Variants in PLCXD3 observed in about 807,000 individuals in gnomAD.
The protein encoded by PLCXD3 is phosphatidylinositol specific phospholipase C X domain containing 3.
In PLCXD3, 19 loss-of-function variants were observed where a neutral mutation model predicts 25.5. That is an observed-to-expected ratio of 0.75 (90% CI 0.52 to 1.09). PLCXD3 has a LOEUF of 1.09. Ranked by LOEUF, PLCXD3 falls within the 50% of genes least tolerant of loss-of-function variation. PLCXD3 has a pLI of 0.00. For synonymous variants in PLCXD3, 174 were observed against 137.6 expected, an observed-to-expected ratio of 1.26 and a Z score of -1.85; for missense variants, 411 against 388.1, an observed-to-expected ratio of 1.06 and a Z score of -0.50.
chr5:41,485,613 G>GT, intron 1 of PLCXD3, among the ~76,000 whole-genome samples: 1 of 152,216 alleles, frequency 6.6e-6, no homozygotes, highest in East Asian at 1.9e-4. Context: ...GCTTTCCTGA[G>GT]TTTTTGTGGA....
At chr5:41,375,284 G>C (rs1745256949) in intron 2 of PLCXD3, among the ~76,000 whole-genome samples, 1 of 152,142 alleles carries the variant, frequency 6.6e-6, no homozygotes, top group Non-Finnish European at 1.5e-5. Context: ...GCACCATGCA[G>C]TGTTGAGTGC....
At chr5:41,509,815 T>A (rs1738998327) in intron 1 of PLCXD3, among the ~76,000 whole-genome samples, 2 of 152,168 alleles carry the variant, frequency 1.3e-5, no homozygotes, top group Non-Finnish European at 1.5e-5. Context: ...CGATACGAAA[T>A]GGTGCCCTCT....
intron 1 of PLCXD3, among the ~76,000 whole-genome samples, chr5:41,440,747 T>C (rs371960277): frequency 6.6e-6 from 1 of 152,154 alleles, no homozygotes; most frequent in African/African-American, 2.4e-5. Flanking sequence ...TAGAAACCTG[T>C]TATACCTCAC....
chr5:41,483,769 C>T (rs1748461853), intron 1 of PLCXD3, among the ~76,000 whole-genome samples: 1 of 152,074 alleles, frequency 6.6e-6, no homozygotes, highest in African/African-American at 2.4e-5. Context: ...GACAATATTT[C>T]AGTCTTAAAA....
At position 41,481,674 on chromosome 5, in the gene PLCXD3, T is replaced by C. The variant is rs182078250; in HGVS notation, c.103+28750A>G. ...AATAACAAGTATGATATGATTCAAG[T>C]AACTGCCACCACACCTGAAAGAAAA... On this transcript the variant is annotated intron_variant, in intron 1 of 2. Coordinates refer to ENST00000377801, the MANE Select transcript of PLCXD3 (RefSeq NM_001005473.3). 5.9e-5 allele frequency among the ~76,000 whole-genome samples: 9 copies of C among 152,338 alleles called. No individual in the cohort carries two copies. The East Asian group carries it at 1.7e-3, about 29-fold the overall frequency.
intron 2 of PLCXD3, among the ~76,000 whole-genome samples, chr5:41,372,265 T>C (rs1024089991): frequency 1.1e-4 from 16 of 150,390 alleles, no homozygotes; most frequent in Non-Finnish European, 1.8e-4. Context: ...TTCAGAAAAG[T>C]ATATGTATTC....
At chr5:41,376,848 G>A (rs377346464) in intron 2 of PLCXD3, among the ~76,000 whole-genome samples, 39 of 152,190 alleles carry the variant, frequency 2.6e-4, no homozygotes, top group African/African-American at 7.7e-4. Flanking sequence ...ATGCAGAGCC[G>A]TACTCATAGG....
intron 1 of PLCXD3, among the ~76,000 whole-genome samples, chr5:41,452,529 C>CAAACA (rs548746575): frequency 1.0e-3 from 152 of 151,950 alleles, no homozygotes; most frequent in African/African-American, 3.2e-3. Flanking sequence ...CCTTAGACTC[C>CAAACA]AAACAAAACA....
intron 1 of PLCXD3, among the ~76,000 whole-genome samples, chr5:41,425,208 T>C (rs367993729): frequency 3.3e-5 from 5 of 152,326 alleles, no homozygotes; most frequent in African/African-American, 9.6e-5. Context: ...ATTTACTTAG[T>C]ATATCTTTCC....
At position 41,485,280 on chromosome 5, in the gene PLCXD3, G is replaced by C. The variant is rs564671501; in HGVS notation, c.103+25144C>G. 1.1e-4 allele frequency among the ~76,000 whole-genome samples: 17 copies of C among 152,250 alleles called. No homozygotes were observed. In the South Asian group the frequency reaches 2.5e-3, roughly 22 times the overall value. ...TTAATGGTCATTGGGCTCAAATCCT[G>C]TGTCAATGCAGATGTTTGGAAGATA... is the stretch of plus-strand genomic sequence containing the variant. On this transcript the variant is annotated intron_variant, in intron 1 of 2. Coordinates refer to ENST00000377801, the MANE Select transcript of PLCXD3 (RefSeq NM_001005473.3).
intron 1 of PLCXD3, among the ~76,000 whole-genome samples, chr5:41,506,851 A>C (rs796429095): frequency 6.6e-6 from 1 of 152,228 alleles, no homozygotes; most frequent in African/African-American, 2.4e-5. Context: ...TAAAAAGTAC[A>C]GTCAACAATT....
chr5:41,488,270 A>G (rs1469087246), intron 1 of PLCXD3, among the ~76,000 whole-genome samples: 20 of 142,848 alleles, frequency 1.4e-4, no homozygotes, highest in Admixed American at 1.1e-3. Context: ...ATCATTTTTT[A>G]TGGCTGCATA....
chr5:41,460,090 A>C (rs1033638487), intron 1 of PLCXD3, among the ~76,000 whole-genome samples: 1 of 151,930 alleles, frequency 6.6e-6, no homozygotes, highest in Non-Finnish European at 1.5e-5. Context: ...TGTTTTCCAC[A>C]CAAAGATATG....
intron 2 of PLCXD3, among the ~76,000 whole-genome samples, chr5:41,316,774 TG>T: frequency 6.6e-6 from 1 of 152,296 alleles, no homozygotes; most frequent in African/African-American, 2.4e-5. Flanking sequence ...CCTGTACCTT[TG>T]GAAAGGACAG....
chr5:41,392,775 CA>C (rs70988845), intron 1 of PLCXD3, among the ~76,000 whole-genome samples: 86,331 of 151,876 alleles, frequency 0.57, 25,067 homozygotes, highest in South Asian at 0.71. Context: ...ATAGAAAATT[CA>C]AAATAGCTGT....
chr5:41,315,834 C>T (rs571585787), intron 2 of PLCXD3, among the ~76,000 whole-genome samples: 1 of 152,310 alleles, frequency 6.6e-6, no homozygotes, highest in East Asian at 1.9e-4. Flanking sequence ...AGCGGACGCC[C>T]AGTCACACAG....
intron 2 of PLCXD3, among the ~76,000 whole-genome samples, chr5:41,358,242 G>A (rs751803585): frequency 6.6e-6 from 1 of 152,230 alleles, no homozygotes; most frequent in Non-Finnish European, 1.5e-5. Flanking sequence ...ACAATGGCAA[G>A]TGGTAGTCAG....
chr5:41,439,769 A>G (rs916024510), intron 1 of PLCXD3, among the ~76,000 whole-genome samples: 2 of 152,232 alleles, frequency 1.3e-5, no homozygotes, highest in African/African-American at 4.8e-5. Context: ...TCCCCCATAT[A>G]TTAAAACCTA....
chr5:41,353,719 A>T (rs950241278), intron 2 of PLCXD3, among the ~76,000 whole-genome samples: 1 of 152,190 alleles, frequency 6.6e-6, no homozygotes, highest in Non-Finnish European at 1.5e-5. Context: ...GTGTGATGAA[A>T]TCACTCACTG....
Sources: gnomAD v4.1 joint callset for allele counts (sites outside exome capture counted in the v4.1 genomes callset) on GRCh38, gnomAD v4.1.1 for gene constraint, MANE v1.5 for transcripts, NCBI Gene and HGNC (gene_info 2026-07-23, HGNC 2026-07-21) for gene names.